The following MEF2A variants were observed in gnomAD, a reference collection of about 807,000 sequenced individuals.
The protein encoded by MEF2A is myocyte-specific enhancer factor 2A.
In MEF2A, 28 loss-of-function variants were observed where a neutral mutation model predicts 55.8. The ratio of observed to expected loss-of-function variants is 0.50; its 90% CI spans 0.37 to 0.69. The LOEUF is 0.69. Ranked by LOEUF, MEF2A falls within the 30% of genes least tolerant of loss-of-function variation. MEF2A has a pLI of 0.00. For missense variants in MEF2A, 528 were observed against 626.2 expected (o/e 0.84, Z 1.67); for synonymous variants, 239 against 227.1 (o/e 1.05, Z -0.47).
intron 2 of MEF2A, among the ~76,000 whole-genome samples, chr15:99,620,594 G>T (rs2040981860): frequency 6.6e-6 from 1 of 152,128 alleles, no homozygotes; most frequent in African/African-American, 2.4e-5. Context: ...ACTGTTGTTG[G>T]ATATCTAGGT....
At chr15:99,676,569 C>G (rs908592765) in intron 7 of MEF2A, among the ~76,000 whole-genome samples, 2 of 121,914 alleles carry the variant, frequency 1.6e-5, no homozygotes, top group Non-Finnish European at 3.7e-5. Flanking sequence ...ATGCATCATA[C>G]AGTTTTGTTT....
Position 99,712,632 on chromosome 15 carries a change from G to A in MEF2A, c.1379G>A (p.Ser460Asn). The change falls in exon 12 of 12, where the codon AGT becomes AAT. Residue 460 changes from serine (S) to asparagine (N), a missense_variant. This residue lies in a region of MEF2A where 450 missense variants were observed against 475.3 expected (regional missense o/e 0.95). Coordinates refer to ENST00000557942, the MANE Select transcript of MEF2A (RefSeq NM_001319206.4). This position sits in a 1 kb window ranked among gnomAD's most constrained non-coding sequence, Gnocchi z 4.1. ...RSPVDSLSSS[S>N]SSYDGSDRED... ...CCTGTGGACAGTCTGAGCAGCTCTA[G>A]TAGCTCCTATGATGGCAGTGATCGG... 6.4e-7 allele frequency: 1 copy of A among 1,552,700 alleles called. No homozygotes were observed. Among genetic ancestry groups the A allele is most frequent in the Non-Finnish European group, 8.7e-7 (1 of 1,147,570 alleles).
chr15:99,633,901 G>A (rs1216574955), intron 3 of MEF2A, among the ~76,000 whole-genome samples: 3 of 152,100 alleles, frequency 2.0e-5, no homozygotes, highest in African/African-American at 4.8e-5. Context: ...GGCTGCTTTC[G>A]CATTATAACA....
At chr15:99,573,513 A>G (rs917413970) in intron 1 of MEF2A, among the ~76,000 whole-genome samples, 2 of 152,200 alleles carry the variant, frequency 1.3e-5, no homozygotes, top group African/African-American at 4.8e-5. Flanking sequence ...CTTGCTGGGC[A>G]CTGAGTAGCC....
intron 7 of MEF2A, among the ~76,000 whole-genome samples, chr15:99,677,143 T>TAAAATA (rs34294935): frequency 8.6e-5 from 13 of 151,242 alleles, no homozygotes; most frequent in Non-Finnish European, 1.6e-4. Context: ...AATAAATAAA[T>TAAAATA]AAATAAAATA....
At chr15:99,679,516 T>C (rs1417961674) in intron 7 of MEF2A, among the ~76,000 whole-genome samples, 4 of 152,126 alleles carry the variant, frequency 2.6e-5, no homozygotes, top group African/African-American at 7.2e-5. Context: ...AAAACTATAG[T>C]GTTTGGGATG....
intron 2 of MEF2A, among the ~76,000 whole-genome samples, chr15:99,609,099 C>G (rs1042263054): frequency 7.9e-5 from 12 of 152,144 alleles, no homozygotes; most frequent in African/African-American, 2.7e-4. Flanking sequence ...AGTTAAGGTG[C>G]TAGACAGTGG....
At chr15:99,711,245 G>T (rs325401) in intron 11 of MEF2A, among the ~76,000 whole-genome samples, 2 of 152,130 alleles carry the variant, frequency 1.3e-5, no homozygotes, top group Non-Finnish European at 2.9e-5. Context: ...ACAAGCTGGA[G>T]CTTTTGCTTT....
chr15:99,692,397 A>G (rs2055654398), intron 8 of MEF2A, among the ~76,000 whole-genome samples: 1 of 152,238 alleles, frequency 6.6e-6, no homozygotes, highest in African/African-American at 2.4e-5. Context: ...AAACTTGGAT[A>G]TACAGAAAGT....
At chr15:99,656,604 G>C (rs1309219540) in intron 4 of MEF2A, among the ~76,000 whole-genome samples, 2 of 152,098 alleles carry the variant, frequency 1.3e-5, no homozygotes, top group Admixed American at 6.6e-5. Context: ...TTCATGATTG[G>C]AGTATACATT....
At chr15:99,667,127 A>T (rs770780291) in intron 4 of MEF2A, among the ~76,000 whole-genome samples, 1 of 152,242 alleles carries the variant, frequency 6.6e-6, no homozygotes, top group African/African-American at 2.4e-5. Context: ...GTTACTAGGA[A>T]TCTCTTCCTG....
intron 4 of MEF2A, among the ~76,000 whole-genome samples, chr15:99,650,685 T>A (rs2046710721): frequency 6.6e-6 from 1 of 152,204 alleles, no homozygotes. Context: ...AGATAGGGAA[T>A]CAGTATAAGA....
intron 1 of MEF2A, among the ~76,000 whole-genome samples, chr15:99,566,774 G>T (rs1959777899): frequency 6.6e-6 from 1 of 152,184 alleles, no homozygotes; most frequent in South Asian, 2.1e-4. Context: ...TACGAATTCT[G>T]TGAGTGTGTA....
chr15:99,673,264 AC>A lies in MEF2A; in HGVS notation c.391-1127del, dbSNP rs367984528. Among the ~76,000 whole-genome samples, 30 of 152,300 alleles carry A rather than the reference AC, an allele frequency of 2.0e-4. No homozygotes were observed. The East Asian group carries it at 5.4e-3, about 27-fold the overall frequency. ...CTTAAGGAGTTACTTTTGGGCAAAT[AC>A]CATTATTATTCTTAAAAACAATACA... On this transcript the variant is annotated intron_variant, in intron 5 of 11. Coordinates refer to ENST00000557942, the MANE Select transcript of MEF2A (RefSeq NM_001319206.4).
intron 2 of MEF2A, among the ~76,000 whole-genome samples, chr15:99,611,689 A>G (rs142097532): frequency 7.1e-4 from 108 of 152,352 alleles, no homozygotes; most frequent in African/African-American, 2.5e-3. Context: ...GGTAGAATTG[A>G]AAGTATATGT....
intron 9 of MEF2A, among the ~76,000 whole-genome samples, chr15:99,705,548 A>C (rs1332121905): frequency 1.3e-5 from 2 of 152,224 alleles, no homozygotes; most frequent in Admixed American, 1.3e-4. Context: ...ACAGAAACTC[A>C]GGCAATACAT....
chr15:99,680,544 A>T (rs1012429619), intron 7 of MEF2A, among the ~76,000 whole-genome samples: 3 of 152,216 alleles, frequency 2.0e-5, no homozygotes, highest in African/African-American at 7.2e-5. Flanking sequence ...CTCCAAGCCC[A>T]CTAATCCCAT....
intron 5 of MEF2A, 187 bp downstream of exon 5, chr15:99,671,641 G>A (rs75705863): frequency 8.2e-6 from 13 of 1,581,910 alleles, no homozygotes; most frequent in East Asian, 2.3e-5. Context: ...AATATGATGC[G>A]GAATCATAAA....
chr15:99,706,724 C>T lies in MEF2A; in HGVS notation c.883-5C>T. The T allele has an allele frequency of 6.2e-7, 1 of 1,612,294 alleles. No homozygotes were observed. Among genetic ancestry groups the T allele is most frequent in the Non-Finnish European group, 8.5e-7 (1 of 1,178,358 alleles). On this transcript the variant is annotated splice_region_variant and splice_polypyrimidine_tract_variant and intron_variant, in intron 9 of 11. Transcript: ENST00000557942. ...GAACACATTTTCTCTTTTTTGATCT[C>T]ACAGAATACCCAGAGGATCAGTAGT...
Sources: gnomAD v4.1 joint callset for allele counts (sites outside exome capture counted in the v4.1 genomes callset) on GRCh38, gnomAD v4.1.1 for gene constraint, gnomAD v4.1.1 regional missense constraint, Gnocchi (gnomAD v3.1) non-coding constraint, MANE v1.5 for transcripts, NCBI Gene and HGNC (gene_info 2026-07-23, HGNC 2026-07-21) for gene names.